Variants in C12orf56 observed in about 807,000 individuals in gnomAD.
The protein encoded by C12orf56 is uncharacterized protein C12orf56.
C12orf56 carries 71 observed loss-of-function variants against 69.9 expected under a neutral mutation model. That is an observed-to-expected ratio of 1.02 (90% CI 0.84 to 1.24). The LOEUF (loss-of-function observed/expected upper bound fraction) is 1.24. Among genes scored for constraint, C12orf56 ranks in the 50% most tolerant of loss-of-function variants. The probability of loss-of-function intolerance (pLI) is 0.00; values close to 1 mark genes in which losing one functional copy is unlikely to be tolerated. For synonymous variants in C12orf56, 276 were observed against 274.1 expected, an observed-to-expected ratio of 1.01 and a Z score of -0.07; for missense variants, 732 against 738.5, an observed-to-expected ratio of 0.99 and a Z score of 0.10.
At chr12:64,284,576 T>C (rs1284937845) in intron 8 of C12orf56, 88 bp downstream of exon 8, 1 of 881,688 alleles carries the variant, frequency 1.1e-6, no homozygotes, top group East Asian at 2.9e-5. Flanking sequence ...ACAGGGAAGT[T>C]GGAGAATTAT....
At chr12:64,276,003 C>CG (rs887777004) in intron 9 of C12orf56, among the ~76,000 whole-genome samples, 12 of 88,762 alleles carry the variant, frequency 1.4e-4, no homozygotes, top group Admixed American at 5.3e-4. Flanking sequence ...AAATACACAC[C>CG]CCCCCCCGCG....
chr12:64,310,360 C>T (rs2038590914), intron 5 of C12orf56, among the ~76,000 whole-genome samples: 1 of 152,200 alleles, frequency 6.6e-6, no homozygotes, highest in African/African-American at 2.4e-5. Flanking sequence ...TTAAATGAAT[C>T]TGTCATTTCA....
chr12:64,273,619 AGTGCT>A (rs1399310457), intron 11 of C12orf56, among the ~76,000 whole-genome samples: 6 of 152,182 alleles, frequency 3.9e-5, no homozygotes, highest in African/African-American at 1.4e-4. Flanking sequence ...CCAAAATACC[AGTGCT>A]TTGCTTGAAA....
chr12:64,285,968 C>G lies in C12orf56; in HGVS notation c.1206G>C (p.Arg402Ser), dbSNP rs778417553. The G allele has an allele frequency of 3.7e-6, 6 of 1,600,662 alleles. No homozygotes were observed. Among genetic ancestry groups the G allele is most frequent in the South Asian group, 1.1e-5 (1 of 89,542 alleles). Residue 402 changes from arginine to serine, a missense_variant, in exon 7 of 13, where the codon AGG becomes AGC. Physicochemically the swap from Arg to Ser is moderately radical, Grantham distance 110. Transcript: ENST00000543942. Reference sequence around the variant, plus strand: ...TTAGTACTTACACCAGCTCATCAACCCTTTGGCTTTGATTTTGTAGTGCAT... The same window carrying G: ...TTAGTACTTACACCAGCTCATCAACGCTTTGGCTTTGATTTTGTAGTGCAT... ...DKNALQNQSQ[R>S]VDELVACIEI...
intron 8 of C12orf56, among the ~76,000 whole-genome samples, chr12:64,281,237 C>T (rs968787515): frequency 6.6e-6 from 1 of 151,986 alleles, no homozygotes; most frequent in Non-Finnish European, 1.5e-5. Context: ...CGCACCATTG[C>T]ACTCCAGCCC....
chr12:64,368,864 T>G (rs1040018114), intron 1 of C12orf56, among the ~76,000 whole-genome samples: 1 of 152,180 alleles, frequency 6.6e-6, no homozygotes, highest in South Asian at 2.1e-4. Flanking sequence ...TTTCCTCATG[T>G]GTAAAACGAG....
At chr12:64,311,053 A>G (rs898775458) in intron 5 of C12orf56, among the ~76,000 whole-genome samples, 3 of 152,054 alleles carry the variant, frequency 2.0e-5, no homozygotes, top group Non-Finnish European at 4.4e-5. Flanking sequence ...TGAACTCATC[A>G]TTTTTTATGG....
At chr12:64,387,843 A>C (rs547766727) in intron 1 of C12orf56, among the ~76,000 whole-genome samples, 23 of 152,162 alleles carry the variant, frequency 1.5e-4, no homozygotes, top group Non-Finnish European at 2.4e-4. Flanking sequence ...AAAAAACAAG[A>C]GATATATAAC....
intron 2 of C12orf56, among the ~76,000 whole-genome samples, chr12:64,350,415 A>T (rs146316456): frequency 6.6e-6 from 1 of 152,066 alleles, no homozygotes; most frequent in African/African-American, 2.4e-5. Context: ...AGAGTGGCTT[A>T]AAAAAAATCT....
At chr12:64,319,069 T>C (rs2038734319) in intron 3 of C12orf56, 89 bp from the exon 4 acceptor site, 1 of 1,212,004 alleles carries the variant, frequency 8.3e-7, no homozygotes. Context: ...TGAACACAAA[T>C]GTTTTCTCAC....
Position 64,318,979 on chromosome 12 carries a change from C to A in C12orf56, c.490G>T (p.Asp164Tyr), listed in dbSNP as rs898117986. The change falls in exon 4 of 13, where the codon GAC (aspartate) becomes TAC (tyrosine). Residue 164 changes from aspartate to tyrosine, a missense_variant and splice_region_variant. By Grantham distance (160) the Asp-to-Tyr change is radical (BLOSUM62 -3). Coordinates refer to ENST00000543942, the MANE Select transcript of C12orf56 (RefSeq NM_001170633.2). Reference protein sequence around the residue: ...SRSLKESPLRDQQESSTPSKD... With the variant: ...SRSLKESPLRYQQESSTPSKD... ...GATGGTGTACTGCTCTCCTGCTGGT[C>A]CCTGTCAGGTAGAATTTAGTATTAA... is the stretch of plus-strand genomic sequence containing the variant. 2 of 1,471,578 alleles carry A rather than the reference C, an allele frequency of 1.4e-6. No individual in the cohort carries two copies. The highest frequency in any genetic ancestry group is 2.5e-5 in the East Asian group (1 of 40,232). 91.2% of individuals were successfully genotyped at this position (1,471,578 alleles called of 1,614,324 possible). A position where few individuals can be genotyped will look rare whatever the true frequency, so the allele number is the denominator to read the frequency against.
chr12:64,319,493 T>C (rs921361093), intron 3 of C12orf56, among the ~76,000 whole-genome samples: 1 of 152,198 alleles, frequency 6.6e-6, no homozygotes, highest in African/African-American at 2.4e-5. Flanking sequence ...CCTCCCAGGC[T>C]CAAGTGATCC....
chr12:64,272,253 C>G (rs1166057385), intron 11 of C12orf56, among the ~76,000 whole-genome samples: 7 of 151,904 alleles, frequency 4.6e-5, no homozygotes, highest in Non-Finnish European at 8.8e-5. Flanking sequence ...AGCTGTAATC[C>G]CAGCACTTTA....
chr12:64,268,005 T>A (rs1014417648), intron 12 of C12orf56, among the ~76,000 whole-genome samples: 8 of 152,214 alleles, frequency 5.3e-5, no homozygotes, highest in Admixed American at 3.9e-4. Flanking sequence ...AATATGAACA[T>A]GTAAAATCTG....
intron 3 of C12orf56, among the ~76,000 whole-genome samples, chr12:64,319,598 G>A (rs1428181378): frequency 1.3e-5 from 2 of 152,130 alleles, no homozygotes; most frequent in Non-Finnish European, 2.9e-5. Context: ...TGAGACACAG[G>A]ACTAGCTGGA....
rs1360964376 is a variant in C12orf56 at position 64,308,947 on chromosome 12, GA to G, written c.968+3731del. Among the ~76,000 whole-genome samples, 196 of 67,710 alleles carry G rather than the reference GA, an allele frequency of 2.9e-3. 3 individuals are homozygous for G. The highest frequency in any genetic ancestry group is 7.0e-3 in the Middle Eastern group (1 of 142). 44.4% of individuals were successfully genotyped at this position (67,710 alleles called of 152,430 possible). On this transcript the variant is annotated intron_variant, in intron 5 of 12. Transcript: ENST00000543942. ...AAGAAAGAAAGAAAGAAAGAAGAAA[GA>G]AAGAAAGAAAGAAAGAAAGAAAGAA...
intron 6 of C12orf56, among the ~76,000 whole-genome samples, chr12:64,299,478 A>G (rs146570620): frequency 6.6e-6 from 1 of 152,332 alleles, no homozygotes; most frequent in African/African-American, 2.4e-5. Context: ...GTTTTCAAGT[A>G]TAAAACAGAT....
intron 3 of C12orf56, among the ~76,000 whole-genome samples, chr12:64,321,079 A>G (rs2038766374): frequency 6.6e-6 from 1 of 152,190 alleles, no homozygotes; most frequent in Non-Finnish European, 1.5e-5. Flanking sequence ...GTCTTTTGAC[A>G]TCTTAGTGGA....
intron 1 of C12orf56, among the ~76,000 whole-genome samples, chr12:64,376,837 A>G (rs1213777321): frequency 6.6e-6 from 1 of 151,056 alleles, no homozygotes; most frequent in Non-Finnish European, 1.5e-5. Context: ...TATATGTACC[A>G]CATTTTCTTT....
Sources: gnomAD v4.1 joint callset for allele counts (sites outside exome capture counted in the v4.1 genomes callset) on GRCh38, gnomAD v4.1.1 for gene constraint, MANE v1.5 for transcripts, NCBI Gene and HGNC (gene_info 2026-07-23, HGNC 2026-07-21) for gene names.